SHROOM4: variants seen among roughly 807,000 people sequenced by gnomAD.
The protein encoded by SHROOM4 is shroom family member 4.
In SHROOM4, 17 loss-of-function variants were observed where a neutral mutation model predicts 80.3. That is an observed-to-expected ratio of 0.21 (90% CI 0.14 to 0.32). The LOEUF (loss-of-function observed/expected upper bound fraction) is 0.32, where lower values mean the gene tolerates loss of function less well. Among genes scored for constraint, SHROOM4 ranks in the 10% least tolerant of loss-of-function variants. SHROOM4 has a pLI of 1.00. For missense variants in SHROOM4, 993 were observed against 1,140.3 expected (o/e 0.87, Z 1.86); for synonymous variants, 400 against 437.5 (o/e 0.91, Z 1.07).
intron 1 of SHROOM4, among the ~76,000 whole-genome samples, chrX:50,747,687 T>C (rs1190344666): frequency 8.9e-6 from 1 of 112,167 alleles, no homozygotes; most frequent in Non-Finnish European, 1.9e-5. Flanking sequence ...TTGTCATTCA[T>C]TAAAAGGCTA....
chrX:50,680,778 A>G (rs782250830), intron 2 of SHROOM4, among the ~76,000 whole-genome samples: 16 of 111,414 alleles, frequency 1.4e-4, no homozygotes, highest in Admixed American at 9.5e-5. Flanking sequence ...TATTTTCTCA[A>G]TTCTAGACTC....
rs1557246140 is a variant in SHROOM4 at position 50,594,656 on chromosome X, A to C, written c.*2039T>G. The C allele has an allele frequency of 1.8e-5, 2 of 111,531 alleles. No individual in the cohort carries two copies. The allele number at this position is 111,531 out of a possible 1,213,427, so 9.2% of individuals were successfully genotyped here. ...CATCCTCCCAATACAGGACATCTCA[A>C]TTTGCTCATTGTTTGTCCTAGAGCC... On this transcript the variant is annotated 3_prime_UTR_variant, in exon 9 of 9. Coordinates refer to ENST00000376020, the MANE Select transcript of SHROOM4 (RefSeq NM_020717.5).
intron 4 of SHROOM4, among the ~76,000 whole-genome samples, chrX:50,629,052 C>T (rs1198984040): frequency 8.9e-6 from 1 of 111,917 alleles, no homozygotes; most frequent in Non-Finnish European, 1.9e-5. Context: ...CCTGTCTAGC[C>T]CTGTGGACGT....
intron 1 of SHROOM4, among the ~76,000 whole-genome samples, chrX:50,727,417 T>TG (rs1934266027): frequency 9.0e-6 from 1 of 111,697 alleles, no homozygotes; most frequent in Non-Finnish European, 1.9e-5. Context: ...TGGGAGGGGC[T>TG]GGGGCAGAAT....
chrX:50,806,532 C>A (rs946806247), intron 1 of SHROOM4, among the ~76,000 whole-genome samples: 6 of 112,183 alleles, frequency 5.3e-5, no homozygotes, highest in Non-Finnish European at 5.6e-5. Context: ...GTCCTTGGAA[C>A]CCAATCTTTA....
chrX:50,652,883 G>A (rs1932159321), intron 2 of SHROOM4, among the ~76,000 whole-genome samples: 2 of 111,568 alleles, frequency 1.8e-5, no homozygotes, highest in Admixed American at 1.9e-4. Context: ...TTGTAGAGGT[G>A]TGGCATTATT....
At chrX:50,753,520 A>C (rs1934966890) in intron 1 of SHROOM4, among the ~76,000 whole-genome samples, 1 of 111,915 alleles carries the variant, frequency 8.9e-6, no homozygotes, top group Non-Finnish European at 1.9e-5. Context: ...TGTCCAGTAC[A>C]GTAGCCATCC....
chrX:50,649,815 G>T (rs1557258419), intron 2 of SHROOM4: 1 of 112,296 alleles, frequency 8.9e-6, no homozygotes, highest in African/African-American at 3.2e-5. Context: ...TTGAAATAGT[G>T]AATTTTATGG....
intron 1 of SHROOM4, among the ~76,000 whole-genome samples, chrX:50,721,726 A>ACAC (rs372507763): frequency 0.011 from 1,175 of 111,505 alleles, 14 homozygotes; most frequent in African/African-American, 0.036. Flanking sequence ...TCTGGTTCAA[A>ACAC]CACCTCTGAC....
rs149676106 is a variant in SHROOM4, at chrX:50,674,907, A to C, written c.269+20879T>G. 3.8e-3 allele frequency among the ~76,000 whole-genome samples: 421 copies of C among 111,897 alleles called. 2 individuals are homozygous for C. Among genetic ancestry groups the C allele is most frequent in the African/African-American group, 0.013 (390 of 30,883 alleles). ...CTAACAGTTATGATGAGATGTGGTT[A>C]AGTGCACAGAGGACGGAGCTCTCCT... On this transcript the variant is annotated intron_variant, in intron 2 of 8. Transcript: ENST00000376020.
At chrX:50,582,241 G>A (rs111602890), downstream of SHROOM4, among the ~76,000 whole-genome samples, 581 of 111,690 alleles carry the variant, frequency 5.2e-3, no homozygotes, top group Non-Finnish European at 6.0e-3. Flanking sequence ...GCTTGGAAGT[G>A]GATCCTTCCC....
intron 2 of SHROOM4, among the ~76,000 whole-genome samples, chrX:50,673,683 G>A (rs2147397498): frequency 9.1e-6 from 1 of 110,411 alleles, no homozygotes; most frequent in East Asian, 2.8e-4. Context: ...CAGGTTGAAA[G>A]TACAAAGACA....
At chrX:50,610,419 C>T (rs782111294) in intron 5 of SHROOM4, among the ~76,000 whole-genome samples, 1 of 107,907 alleles carries the variant, frequency 9.3e-6, no homozygotes, top group Admixed American at 9.9e-5. Context: ...AAATGACAAA[C>T]GTGTACCAGG....
At chrX:50,645,771 C>T (rs782468244) in intron 2 of SHROOM4, among the ~76,000 whole-genome samples, 5 of 111,684 alleles carry the variant, frequency 4.5e-5, no homozygotes, top group Non-Finnish European at 9.4e-5. Context: ...ACCTCCTGTG[C>T]TCAGGGGACG....
In SHROOM4 at chrX:50,638,285, G is replaced by A. The variant is rs1455083919; in HGVS notation, c.293C>T (p.Pro98Leu). 2.5e-6 allele frequency: 3 copies of A among 1,211,731 alleles called. No homozygotes were observed. The highest frequency in any genetic ancestry group is 3.0e-5 in the East Asian group (1 of 33,816). The stretch of plus-strand genomic sequence containing the variant: ...CAGCTTGGCCACATGCCATGAGTGC[G>A]GCCTACTGACAGGGGCGTTCCTCCT... ...VRRRNAPVSR[P>L]HSWHVAKLLE... The change falls in exon 3 of 9, where the codon CCG becomes CTG. Residue 98 changes from proline to leucine, a missense_variant. Pro to Leu is a moderately conservative substitution (Grantham distance 98, BLOSUM62 -3). Transcript: ENST00000376020.
intron 2 of SHROOM4, among the ~76,000 whole-genome samples, chrX:50,679,754 T>A (rs1393353078): frequency 1.8e-5 from 2 of 112,036 alleles, no homozygotes; most frequent in African/African-American, 6.5e-5. Context: ...TACTGATAAC[T>A]ATAGTCACCC....
chrX:50,747,596 C>T (rs1437828013), intron 1 of SHROOM4, among the ~76,000 whole-genome samples: 1 of 112,451 alleles, frequency 8.9e-6, no homozygotes, highest in Non-Finnish European at 1.9e-5. Flanking sequence ...AAGATGCTTA[C>T]TGCAATATTT....
At chrX:50,731,386 C>G (rs1208892887) in intron 1 of SHROOM4, among the ~76,000 whole-genome samples, 1 of 111,691 alleles carries the variant, frequency 9.0e-6, no homozygotes, top group Non-Finnish European at 1.9e-5. Flanking sequence ...CAGCTCCCAG[C>G]CAGCAGGCTT....
rs11390052 is a variant in SHROOM4, at chrX:50,612,106, A to AC, written c.2958-3923_2958-3922insG. 8.9e-3 allele frequency among the ~76,000 whole-genome samples: 983 copies of AC among 110,863 alleles called. 10 individuals are homozygous for AC. The highest frequency in any genetic ancestry group is 0.03 in the African/African-American group (927 of 30,485). ...AAATTAATATACTAGAGAACAAGTGATAGAATAATTAAAGGCAAAACCAAT... is the reference window on the plus strand; with the variant it reads ...AAATTAATATACTAGAGAACAAGTGACTAGAATAATTAAAGGCAAAACCAAT... On this transcript the variant is annotated intron_variant, in intron 5 of 8. Transcript: ENST00000376020.
Sources: gnomAD v4.1 joint callset for allele counts (sites outside exome capture counted in the v4.1 genomes callset) on GRCh38, gnomAD v4.1.1 for gene constraint, MANE v1.5 for transcripts, NCBI Gene and HGNC (gene_info 2026-07-23, HGNC 2026-07-21) for gene names.